The following BAALC variants were observed in gnomAD, a reference collection of about 807,000 sequenced individuals.
BAALC encodes BAALC binder of MAP3K1 and KLF4.
BAALC carries 9 observed loss-of-function variants against 15.5 expected under a neutral mutation model. The ratio of observed to expected loss-of-function variants is 0.58; its 90% confidence interval spans 0.35 to 1.02. The LOEUF (loss-of-function observed/expected upper bound fraction) is 1.02. Ranked by LOEUF, BAALC falls within the 50% of genes least tolerant of loss-of-function variation. The pLI is 0.02. For synonymous variants in BAALC, 80 were observed against 74.6 expected, an observed-to-expected ratio of 1.07 and a Z score of -0.37; for missense variants, 201 against 192.4, an observed-to-expected ratio of 1.04 and a Z score of -0.27.
rs536985556 is a variant in BAALC at position 103,219,227 on chromosome 8, A to G, written c.327+6142A>G. ...TCTGCAGTCAAACCAGTTCAACTGG[A>G]AGGCTCTCAGGGCAGACACTGCCTT... On this transcript the variant is annotated intron_variant, in intron 2 of 2. Coordinates refer to ENST00000309982, the MANE Select transcript of BAALC (RefSeq NM_024812.3). 2.6e-3 allele frequency among the ~76,000 whole-genome samples: 401 copies of G among 152,298 alleles called. 1 individual carries two copies. The highest frequency in any genetic ancestry group is 5.0e-3 in the Non-Finnish European group (337 of 68,022).
At chr8:103,148,479 T>A (rs1475943637) in intron 1 of BAALC, among the ~76,000 whole-genome samples, 1 of 152,250 alleles carries the variant, frequency 6.6e-6, no homozygotes, top group Non-Finnish European at 1.5e-5. Context: ...AAGCACATCA[T>A]GGAGAATGGG....
At chr8:103,199,065 T>C (rs1309663892) in intron 1 of BAALC, among the ~76,000 whole-genome samples, 2 of 152,246 alleles carry the variant, frequency 1.3e-5, no homozygotes, top group African/African-American at 4.8e-5. Flanking sequence ...ACCTGAAGAA[T>C]GGCTACATTG....
intron 2 of BAALC, among the ~76,000 whole-genome samples, chr8:103,222,093 G>A (rs1256254940): frequency 1.3e-5 from 2 of 152,194 alleles, no homozygotes; most frequent in Admixed American, 1.3e-4. Context: ...TTTGTCTAAA[G>A]ACCTGGGATC....
chr8:103,145,681 G>C (rs1195995532), intron 1 of BAALC, among the ~76,000 whole-genome samples: 1 of 152,170 alleles, frequency 6.6e-6, no homozygotes, highest in African/African-American at 2.4e-5. Context: ...AAAATCCTTA[G>C]ATCTTTCTTT....
At chr8:103,176,953 G>A (rs1412933292) in intron 1 of BAALC, among the ~76,000 whole-genome samples, 2 of 152,158 alleles carry the variant, frequency 1.3e-5, no homozygotes, top group Admixed American at 6.5e-5. Context: ...GTTTGAGCTG[G>A]TGGGTACTTG....
At chr8:103,223,494 C>T (rs1812729388) in intron 2 of BAALC, among the ~76,000 whole-genome samples, 1 of 152,164 alleles carries the variant, frequency 6.6e-6, no homozygotes, top group Non-Finnish European at 1.5e-5. Context: ...ACATGTCTTG[C>T]TGCAGCTAAC....
At chr8:103,186,730 A>G (rs1464807882) in intron 1 of BAALC, among the ~76,000 whole-genome samples, 3 of 152,200 alleles carry the variant, frequency 2.0e-5, no homozygotes, top group Non-Finnish European at 4.4e-5. Context: ...GAAAGCACTG[A>G]GTTTAAACAG....
At chr8:103,176,966 TC>T (rs1811620389) in intron 1 of BAALC, among the ~76,000 whole-genome samples, 1 of 152,176 alleles carries the variant, frequency 6.6e-6, no homozygotes, top group African/African-American at 2.4e-5. Context: ...GGTACTTGTT[TC>T]ATCTCCCCAT....
At chr8:103,188,970 G>A (rs1227427112) in intron 1 of BAALC, among the ~76,000 whole-genome samples, 1 of 152,106 alleles carries the variant, frequency 6.6e-6, no homozygotes, top group African/African-American at 2.4e-5. Context: ...ACTTCAAAGT[G>A]CATTTTTTGA....
Position 103,140,944 on chromosome 8 carries a change from A to G in BAALC, c.47A>G (p.Tyr16Cys), listed in dbSNP as rs765500351. 3 of 1,537,584 alleles carry G rather than the reference A, an allele frequency of 2.0e-6. No individual in the cohort carries two copies. Among genetic ancestry groups the G allele is most frequent in the Middle Eastern group, 1.7e-4 (1 of 5,844 alleles). The change falls in exon 1 of 3, where the codon TAC (tyrosine) becomes TGC (cysteine). Residue 16 changes from tyrosine to cysteine, a missense_variant. Transcript: ENST00000309982. This position sits in a 1 kb window ranked among gnomAD's most constrained non-coding sequence, Gnocchi z 4.2. ...GCGGATGCCATCGAGCCCCGCTACT[A>G]CGAGAGCTGGACCCGGGAGACAGAA... is the stretch of plus-strand genomic sequence containing the variant. ...SRADAIEPRY[Y>C]ESWTRETEST...
intron 1 of BAALC, among the ~76,000 whole-genome samples, chr8:103,198,645 T>A (rs902325285): frequency 1.3e-5 from 2 of 152,118 alleles, no homozygotes; most frequent in Admixed American, 6.6e-5. Context: ...GGCTCACACC[T>A]GTAATCCCAG....
At chr8:103,164,432 AC>A (rs1195306151) in intron 1 of BAALC, among the ~76,000 whole-genome samples, 2 of 152,104 alleles carry the variant, frequency 1.3e-5, no homozygotes, top group African/African-American at 4.8e-5. Flanking sequence ...TTTACTTCTG[AC>A]TTTTCTTCAG....
intron 2 of BAALC, among the ~76,000 whole-genome samples, chr8:103,224,270 A>T (rs1244308631): frequency 1.3e-5 from 2 of 152,114 alleles, no homozygotes; most frequent in Non-Finnish European, 2.9e-5. Context: ...GGCCCGTGAC[A>T]CACCCTCAGG....
chr8:103,166,929 A>G (rs1249692027), intron 1 of BAALC, among the ~76,000 whole-genome samples: 2 of 152,212 alleles, frequency 1.3e-5, no homozygotes, highest in African/African-American at 4.8e-5. Context: ...GAAAATACAC[A>G]TCTTCCAGGT....
chr8:103,226,282 T>A (rs1812805376), intron 2 of BAALC, among the ~76,000 whole-genome samples: 1 of 152,250 alleles, frequency 6.6e-6, no homozygotes, highest in East Asian at 1.9e-4. Flanking sequence ...CCCTGCTCCA[T>A]GCAGCTAAAT....
chr8:103,179,682 C>A (rs1247348876), intron 1 of BAALC, among the ~76,000 whole-genome samples: 1 of 152,226 alleles, frequency 6.6e-6, no homozygotes, highest in Non-Finnish European at 1.5e-5. Context: ...ACTATGAAGT[C>A]TTTAAAACTT....
chr8:103,218,232 A>G (rs1812605339), intron 2 of BAALC, among the ~76,000 whole-genome samples: 1 of 151,984 alleles, frequency 6.6e-6, no homozygotes, highest in African/African-American at 2.4e-5. Context: ...CCTGGTGTTA[A>G]TAGGTGTTAA....
chr8:103,219,088 T>A (rs949641657), intron 2 of BAALC, among the ~76,000 whole-genome samples: 1 of 152,186 alleles, frequency 6.6e-6, no homozygotes, highest in Non-Finnish European at 1.5e-5. Flanking sequence ...TTTGGTGTCC[T>A]TTCTAGTGCA....
At chr8:103,195,080 C>T (rs1381950053) in intron 1 of BAALC, among the ~76,000 whole-genome samples, 2 of 152,118 alleles carry the variant, frequency 1.3e-5, no homozygotes, top group Non-Finnish European at 2.9e-5. Context: ...CTGTTCTGCA[C>T]AAAGTTGGCC....
Sources: allele counts gnomAD v4.1 joint callset (sites outside exome capture counted in the v4.1 genomes callset), GRCh38; gene constraint gnomAD v4.1.1; non-coding constraint Gnocchi (gnomAD v3.1); transcripts MANE v1.5; gene names NCBI Gene and HGNC (gene_info 2026-07-23, HGNC 2026-07-21).